EIPR1: variants seen among roughly 807,000 people sequenced by gnomAD.
EIPR1 encodes EARP complex and GARP complex interacting protein 1.
In EIPR1, 25 loss-of-function variants were observed where a neutral mutation model predicts 48.1. The ratio of observed to expected loss-of-function variants is 0.52; its 90% CI spans 0.38 to 0.73. The LOEUF (loss-of-function observed/expected upper bound fraction) is 0.73. EIPR1 is among the 30% of genes least tolerant of loss of function. The probability of loss-of-function intolerance (pLI) is 0.00; values close to 1 mark genes in which losing one functional copy is unlikely to be tolerated. For missense variants in EIPR1, 415 were observed against 506.2 expected (o/e 0.82, Z 1.73); for synonymous variants, 204 against 201.9 (o/e 1.01, Z -0.09).
chr2:3,306,869 A>T (rs11677448), intron 3 of EIPR1, among the ~76,000 whole-genome samples: 61,923 of 152,048 alleles, frequency 0.41, 14,788 homozygotes, highest in African/African-American at 0.66. Flanking sequence ...ACTGTACTGT[A>T]TAGTTATAGA....
At chr2:3,192,367 A>T (rs1416701530) in intron 8 of EIPR1, 47 bp downstream of exon 8, 1 of 1,518,368 alleles carries the variant, frequency 6.6e-7, no homozygotes, top group East Asian at 2.4e-5. Context: ...CTGTGCAGAC[A>T]GGAGGCTCTG....
chr2:3,311,478 A>G (rs1407965695), intron 3 of EIPR1, among the ~76,000 whole-genome samples: 1 of 152,146 alleles, frequency 6.6e-6, no homozygotes, highest in Non-Finnish European at 1.5e-5. Context: ...TCACACTTAG[A>G]ACATATAGAA....
At chr2:3,361,185 T>C (rs189187647) in intron 1 of EIPR1, among the ~76,000 whole-genome samples, 43 of 152,306 alleles carry the variant, frequency 2.8e-4, no homozygotes, top group Admixed American at 2.6e-3. Context: ...CATTGGCTCC[T>C]GCACTTACCC....
chr2:3,265,394 A>G (rs2602765), intron 3 of EIPR1, among the ~76,000 whole-genome samples: 148,049 of 152,300 alleles, frequency 0.97, 72,083 homozygotes, highest in East Asian at 1. Context: ...CATACTCATC[A>G]GCTCTGAAAC....
chr2:3,302,379 G>A (rs892158849), intron 3 of EIPR1, among the ~76,000 whole-genome samples: 24 of 152,280 alleles, frequency 1.6e-4, no homozygotes, highest in African/African-American at 4.8e-4. Context: ...TAAATAAAAC[G>A]TGTGGTGAGT....
intron 8 of EIPR1, among the ~76,000 whole-genome samples, chr2:3,190,367 C>CG (rs1022960540): frequency 3.9e-5 from 6 of 152,224 alleles, no homozygotes; most frequent in African/African-American, 1.4e-4. Context: ...TTCACCCCCC[C>CG]AGCAAGACGG....
intron 5 of EIPR1, among the ~76,000 whole-genome samples, chr2:3,212,302 T>C (rs200365830): frequency 6.6e-6 from 1 of 152,220 alleles, no homozygotes; most frequent in South Asian, 2.1e-4. Context: ...AGAATAGGTC[T>C]CCACCTGCCG....
At chr2:3,220,086 C>T (rs1232039365) in intron 4 of EIPR1, among the ~76,000 whole-genome samples, 1 of 152,126 alleles carries the variant, frequency 6.6e-6, no homozygotes, top group Non-Finnish European at 1.5e-5. Flanking sequence ...GAATCTAATG[C>T]CTGATGATCT....
At chr2:3,199,072 G>GCCCCCCCCC (rs986945204) in intron 5 of EIPR1, among the ~76,000 whole-genome samples, 1 of 24,404 alleles carries the variant, frequency 4.1e-5, no homozygotes, top group East Asian at 5.0e-4. Context: ...CCCCCCCCCC[G>GCCCCCCCCC]CCCCGGGAAT....
At chr2:3,330,153 C>G (rs1034347787) in intron 3 of EIPR1, among the ~76,000 whole-genome samples, 1 of 152,226 alleles carries the variant, frequency 6.6e-6, no homozygotes, top group African/African-American at 2.4e-5. Flanking sequence ...TCTTGTTTTT[C>G]TATAGAAACC....
At chr2:3,321,028 T>C (rs1176921488) in intron 3 of EIPR1, among the ~76,000 whole-genome samples, 1 of 152,212 alleles carries the variant, frequency 6.6e-6, no homozygotes, top group Non-Finnish European at 1.5e-5. Context: ...GCTGGCACTG[T>C]CAAGGTGTTT....
intron 5 of EIPR1, chr2:3,209,011 C>T (rs2103126526): frequency 2.8e-6 from 4 of 1,453,570 alleles, no homozygotes; most frequent in Non-Finnish European, 3.6e-6. Flanking sequence ...GAAGCGGGAA[C>T]AATAGTGGAG....
chr2:3,294,717 A>ATG (rs1668484724), intron 3 of EIPR1, among the ~76,000 whole-genome samples: 1 of 121,818 alleles, frequency 8.2e-6, no homozygotes, highest in Non-Finnish European at 1.7e-5. Context: ...TCCTCTCTAC[A>ATG]CACACCCTCC....
chr2:3,229,053 G>A (rs527741164), intron 4 of EIPR1, among the ~76,000 whole-genome samples: 75 of 152,282 alleles, frequency 4.9e-4, no homozygotes, highest in African/African-American at 1.8e-3. Flanking sequence ...AATTATTTTT[G>A]ATGAGAATTT....
chr2:3,280,953 T>C (rs1326711368), intron 3 of EIPR1, among the ~76,000 whole-genome samples: 3 of 152,166 alleles, frequency 2.0e-5, no homozygotes, highest in African/African-American at 7.2e-5. Flanking sequence ...TTCCTCCCCT[T>C]GATCTCCCTC....
chr2:3,256,338 C>T (rs886346808), intron 4 of EIPR1, among the ~76,000 whole-genome samples: 8 of 152,122 alleles, frequency 5.3e-5, no homozygotes, highest in Non-Finnish European at 8.8e-5. Context: ...GCGTACAGTT[C>T]GTAATGATTT....
chr2:3,377,572 A>G (rs1187324671), intron 1 of EIPR1, 76 bp downstream of exon 1: 4 of 1,534,176 alleles, frequency 2.6e-6, no homozygotes, highest in Non-Finnish European at 3.5e-6. Context: ...AGATCTGCAA[A>G]CCGAAGTCAC....
chr2:3,189,579 C>T lies in EIPR1; in HGVS notation c.990-71G>A, dbSNP rs1305261900. 17 of 1,404,062 alleles carry T rather than the reference C, an allele frequency of 1.2e-5. No individual in the cohort carries two copies. The highest frequency in any genetic ancestry group is 2.9e-5 in the African/African-American group (2 of 70,144). 87.0% of individuals were successfully genotyped at this position (1,404,062 alleles called of 1,614,324 possible). ...GCGGGCAGGAGAGGGGCAGGGAGGA[C>T]GCGAGCGCTGACATCGGGAGACACG... is the stretch of plus-strand genomic sequence containing the variant. On this transcript the variant is annotated intron_variant, in intron 8 of 8. Coordinates refer to ENST00000382125, the MANE Select transcript of EIPR1 (RefSeq NM_003310.5). This position sits in a 1 kb window ranked among gnomAD's most constrained non-coding sequence, Gnocchi z 4.6.
chr2:3,263,484 C>T (rs550398729), intron 3 of EIPR1, among the ~76,000 whole-genome samples: 18 of 152,294 alleles, frequency 1.2e-4, no homozygotes, highest in African/African-American at 2.6e-4. Flanking sequence ...CACCCCTCAA[C>T]GGCCCCACCA....
Sources: allele counts gnomAD v4.1 joint callset (sites outside exome capture counted in the v4.1 genomes callset), GRCh38; gene constraint gnomAD v4.1.1; non-coding constraint Gnocchi (gnomAD v3.1); transcripts MANE v1.5; gene names NCBI Gene and HGNC (gene_info 2026-07-23, HGNC 2026-07-21).